Variants in FAM114A1 observed in about 807,000 individuals in gnomAD.
The protein encoded by FAM114A1 is protein NOXP20.
FAM114A1 carries 62 observed loss-of-function variants against 64.3 expected under a neutral mutation model. The ratio of observed to expected loss-of-function variants is 0.96; its 90% CI spans 0.79 to 1.19. The LOEUF is 1.19. FAM114A1 is among the 50% of genes most tolerant of loss of function. The pLI is 0.00. For missense variants in FAM114A1, 645 were observed against 676.3 expected (o/e 0.95, Z 0.51); for synonymous variants, 254 against 251.1 (o/e 1.01, Z -0.11).
chr4:38,916,209 A>G (rs11736617), intron 8 of FAM114A1, among the ~76,000 whole-genome samples: 19,837 of 152,256 alleles, frequency 0.13, 1,670 homozygotes, highest in East Asian at 0.4. Flanking sequence ...TGATGGAGCT[A>G]CATGTTACTC....
chr4:38,909,283 G>A (rs754505940), intron 7 of FAM114A1, among the ~76,000 whole-genome samples: 1 of 152,148 alleles, frequency 6.6e-6, no homozygotes, highest in Non-Finnish European at 1.5e-5. Context: ...GTGAGGATAC[G>A]CTGAGTTAGA....
At chr4:38,937,115 T>C (rs932368751) in intron 13 of FAM114A1, among the ~76,000 whole-genome samples, 8 of 152,234 alleles carry the variant, frequency 5.3e-5, no homozygotes, top group Non-Finnish European at 1.2e-4. Flanking sequence ...AGTCTAATGA[T>C]GTTCTCCATG....
intron 4 of FAM114A1, among the ~76,000 whole-genome samples, chr4:38,902,324 A>G (rs1717593592): frequency 6.6e-6 from 1 of 152,220 alleles, no homozygotes; most frequent in South Asian, 2.1e-4. Context: ...GTGCTCAATA[A>G]ATGTCGGCCA....
Position 38,911,887 on chromosome 4 carries a change from G to A in FAM114A1, c.793-3034G>A, listed in dbSNP as rs565903373. Reference sequence around the variant, plus strand: ...TTTTTTTTTTTTTTTTTGAGACAGAGCCCTCACTCTGTCGCCCAGGATGGA... The same window carrying A: ...TTTTTTTTTTTTTTTTTGAGACAGAACCCTCACTCTGTCGCCCAGGATGGA... On this transcript the variant is annotated intron_variant, in intron 7 of 14. Transcript: ENST00000358869. Among the ~76,000 whole-genome samples, 15 of 116,568 alleles carry A rather than the reference G, an allele frequency of 1.3e-4. No individual in the cohort carries two copies. The East Asian group carries it at 3.5e-3, about 27-fold the overall frequency. 76.5% of individuals were successfully genotyped at this position (116,568 alleles called of 152,430 possible).
At chr4:38,898,779 A>G (rs1717203204) in intron 4 of FAM114A1, among the ~76,000 whole-genome samples, 2 of 152,008 alleles carry the variant, frequency 1.3e-5, no homozygotes, top group Non-Finnish European at 1.5e-5. Flanking sequence ...TTGCTGCACT[A>G]TAGTTCGCTT....
intron 3 of FAM114A1, among the ~76,000 whole-genome samples, chr4:38,885,848 G>A (rs931496870): frequency 6.6e-6 from 1 of 152,118 alleles, no homozygotes; most frequent in Non-Finnish European, 1.5e-5. Context: ...GTTAATTTGA[G>A]AAGCACCCAT....
chr4:38,891,741 A>G lies in FAM114A1; in HGVS notation c.349-2A>G. ...ACCTGTGGCTAATTTGTTTTTCTCC[A>G]GGCTGTGGATTCCCCTCCAAGTGGA... On this transcript the variant is annotated splice_acceptor_variant, in intron 3 of 14. Coordinates refer to ENST00000358869, the MANE Select transcript of FAM114A1 (RefSeq NM_138389.4). LOFTEE classifies it high-confidence loss of function. 1 of 1,603,428 alleles carries G rather than the reference A, an allele frequency of 6.2e-7. No homozygotes were observed. Among genetic ancestry groups the G allele is most frequent in the Non-Finnish European group, 8.5e-7 (1 of 1,175,394 alleles).
chr4:38,913,175 A>G (rs1336186465), intron 7 of FAM114A1, among the ~76,000 whole-genome samples: 1 of 152,204 alleles, frequency 6.6e-6, no homozygotes, highest in Non-Finnish European at 1.5e-5. Context: ...AACCCCATAC[A>G]CGTAATGCCT....
intron 7 of FAM114A1, among the ~76,000 whole-genome samples, chr4:38,911,617 G>C (rs1718536335): frequency 6.6e-6 from 1 of 152,174 alleles, no homozygotes; most frequent in Admixed American, 6.5e-5. Flanking sequence ...TCGCTTGTTG[G>C]AATGAATGTG....
intron 4 of FAM114A1, among the ~76,000 whole-genome samples, chr4:38,900,704 A>T (rs1447622936): frequency 6.6e-6 from 1 of 152,214 alleles, no homozygotes; most frequent in Non-Finnish European, 1.5e-5. Context: ...AGTCAAAATC[A>T]TAGAGATTTG....
At chr4:38,873,519 T>C (rs1285880790) in intron 2 of FAM114A1, among the ~76,000 whole-genome samples, 1 of 152,136 alleles carries the variant, frequency 6.6e-6, no homozygotes, top group South Asian at 2.1e-4. Context: ...TTACAAATCA[T>C]AGGAAAAACT....
chr4:38,898,629 C>T (rs1401909750), intron 4 of FAM114A1, among the ~76,000 whole-genome samples: 1 of 152,112 alleles, frequency 6.6e-6, no homozygotes, highest in Non-Finnish European at 1.5e-5. Flanking sequence ...TGTTGGACTT[C>T]TGGGCAAATA....
At chr4:38,903,695 A>G (rs1457536923) in intron 4 of FAM114A1, among the ~76,000 whole-genome samples, 1 of 152,216 alleles carries the variant, frequency 6.6e-6, no homozygotes, top group African/African-American at 2.4e-5. Flanking sequence ...ATTGGACGCT[A>G]GAGATAATTA....
intron 3 of FAM114A1, among the ~76,000 whole-genome samples, chr4:38,883,077 G>T (rs890426025): frequency 9.9e-5 from 15 of 152,180 alleles, no homozygotes; most frequent in African/African-American, 3.6e-4. Context: ...CAACCTCCGT[G>T]AGAAATGGTC....
At chr4:38,932,961 C>T (rs2109790492) in intron 12 of FAM114A1, among the ~76,000 whole-genome samples, 1 of 151,486 alleles carries the variant, frequency 6.6e-6, no homozygotes, top group East Asian at 1.9e-4. Flanking sequence ...TCAAGCGATT[C>T]TCCTGCCTCA....
intron 2 of FAM114A1, among the ~76,000 whole-genome samples, chr4:38,876,876 A>G (rs1579290786): frequency 6.6e-6 from 1 of 151,970 alleles, no homozygotes; most frequent in Admixed American, 6.6e-5. Context: ...GAAGTGCGTC[A>G]CTCCAGCCTC....
At chr4:38,901,710 C>T (rs915928269) in intron 4 of FAM114A1, among the ~76,000 whole-genome samples, 1 of 152,186 alleles carries the variant, frequency 6.6e-6, no homozygotes, top group Non-Finnish European at 1.5e-5. Flanking sequence ...TGGTGGAATT[C>T]ACAAGAAGAG....
At chr4:38,899,731 A>T (rs1352010389) in intron 4 of FAM114A1, among the ~76,000 whole-genome samples, 1 of 152,210 alleles carries the variant, frequency 6.6e-6, no homozygotes, top group Admixed American at 6.5e-5. Context: ...GAGCAAATAC[A>T]TTAGAATGTA....
At chr4:38,883,882 G>T (rs2109573153) in intron 3 of FAM114A1, among the ~76,000 whole-genome samples, 1 of 152,306 alleles carries the variant, frequency 6.6e-6, no homozygotes, top group South Asian at 2.1e-4. Context: ...GGATGGAGGT[G>T]CCATTCTGCC....
Sources: allele counts gnomAD v4.1 joint callset (sites outside exome capture counted in the v4.1 genomes callset), GRCh38; gene constraint gnomAD v4.1.1; transcripts MANE v1.5; gene names NCBI Gene and HGNC (gene_info 2026-07-23, HGNC 2026-07-21).